The following CACNA1D variants were observed in gnomAD, a reference collection of about 807,000 sequenced individuals.
CACNA1D encodes the protein calcium voltage-gated channel subunit alpha1 D.
CACNA1D carries 55 observed loss-of-function variants against 257.1 expected under a neutral mutation model. The observed-to-expected ratio is 0.21, with a 90% CI of 0.17 to 0.27. The LOEUF (loss-of-function observed/expected upper bound fraction) is 0.27. Ranked by LOEUF, CACNA1D falls within the 10% of genes least tolerant of loss-of-function variation. The probability of loss-of-function intolerance (pLI) is 1.00; values close to 1 mark genes in which losing one functional copy is unlikely to be tolerated. For missense variants in CACNA1D, 1,876 were observed against 2,784.0 expected (o/e 0.67, Z 7.34); for synonymous variants, 980 against 1,014.9 (o/e 0.97, Z 0.65).
At chr3:53,554,371 C>G (rs1350767752) in intron 3 of CACNA1D, among the ~76,000 whole-genome samples, 3 of 152,198 alleles carry the variant, frequency 2.0e-5, no homozygotes, top group Non-Finnish European at 4.4e-5. Context: ...TTTGCTTTTA[C>G]TGCTATGAAC....
intron 44 of CACNA1D, 94 bp from the exon 45 acceptor site, chr3:53,804,889 G>A: frequency 1.7e-6 from 2 of 1,163,682 alleles, no homozygotes; most frequent in Non-Finnish European, 2.6e-6. Flanking sequence ...GTCCAAGGGA[G>A]GAGGCGGGGA....
chr3:53,747,377 T>C lies in CACNA1D; in HGVS notation c.3243T>C (p.Asp1081=). ...VVRERIWQNS[D]FNFDNVLSAM... Reference sequence around the variant, plus strand: ...GTGAACGGATCTGGCAAAACAGTGATTTCAACTTCGACAACGTCCTCTCTG... The same window carrying C: ...GTGAACGGATCTGGCAAAACAGTGACTTCAACTTCGACAACGTCCTCTCTG... Residue 1081 remains aspartate (D), a synonymous_variant, in exon 26 of 48, where the codon GAT becomes GAC. Coordinates refer to ENST00000350061, the MANE Select transcript of CACNA1D (RefSeq NM_001128840.3). 4 of 1,614,148 alleles carry C rather than the reference T, an allele frequency of 2.5e-6. No individual in the cohort carries two copies. Among genetic ancestry groups the C allele is most frequent in the Non-Finnish European group, 2.5e-6 (3 of 1,179,960 alleles).
chr3:53,546,750 A>G (rs1271059734), intron 3 of CACNA1D, among the ~76,000 whole-genome samples: 1 of 152,182 alleles, frequency 6.6e-6, no homozygotes. Context: ...TGCATCATAC[A>G]CAGAGCAAGT....
intron 15 of CACNA1D, 126 bp downstream of exon 15, chr3:53,727,125 T>C (rs1188729660): frequency 2.8e-6 from 3 of 1,059,958 alleles, no homozygotes; most frequent in Non-Finnish European, 1.5e-6. Flanking sequence ...GCCTTTACCT[T>C]ATTAGCTCAA....
At chr3:53,596,583 A>G (rs1019442515) in intron 3 of CACNA1D, among the ~76,000 whole-genome samples, 12 of 152,196 alleles carry the variant, frequency 7.9e-5, no homozygotes, top group African/African-American at 2.9e-4. Flanking sequence ...AATCCTTACA[A>G]GAGGGAGGCA....
chr3:53,800,505 C>T lies in CACNA1D; in HGVS notation c.5040+140C>T, dbSNP rs2095530887. On this transcript the variant is annotated intron_variant, in intron 41 of 47. Coordinates refer to ENST00000350061, the MANE Select transcript of CACNA1D (RefSeq NM_001128840.3). The surrounding 1 kb of genome is among the most constrained non-coding windows in gnomAD (Gnocchi z 4.3). ...GCCTAGAGGGGCTTTCAGACCACAC[C>T]CTCCCCCTCTTACAGACCCTCCCCA... is the stretch of plus-strand genomic sequence containing the variant. 9.3e-6 allele frequency: 7 copies of T among 756,120 alleles called. No individual in the cohort carries two copies. Among genetic ancestry groups the T allele is most frequent in the Non-Finnish European group, 1.7e-5 (7 of 411,920 alleles). The allele number at this position is 756,120 out of a possible 1,614,324, so 46.8% of individuals were successfully genotyped here. A position where few individuals can be genotyped will look rare whatever the true frequency, so the allele number is the denominator to read the frequency against.
At chr3:53,707,260 C>G (rs13082692) in intron 9 of CACNA1D, among the ~76,000 whole-genome samples, 26,037 of 152,094 alleles carry the variant, frequency 0.17, 2,643 homozygotes, top group Non-Finnish European at 0.23. Flanking sequence ...ATACTCCACC[C>G]TCTAAGACTC....
intron 3 of CACNA1D, among the ~76,000 whole-genome samples, chr3:53,637,232 A>C (rs2093894773): frequency 6.6e-6 from 1 of 152,230 alleles, no homozygotes; most frequent in Non-Finnish European, 1.5e-5. Flanking sequence ...AGACTGGCTT[A>C]TGAAGAGGTC....
At position 53,494,866 on chromosome 3, in the gene CACNA1D, C is replaced by A; in HGVS notation, c.-301C>A. Reference sequence around the variant, plus strand: ...GGGACAAGCCAGTTCTCCTTTGCAGCAAAAAATTACATGTATATATTATTA... The same window carrying A: ...GGGACAAGCCAGTTCTCCTTTGCAGAAAAAAATTACATGTATATATTATTA... On this transcript the variant is annotated 5_prime_UTR_variant, in exon 1 of 48. Coordinates refer to ENST00000350061, the MANE Select transcript of CACNA1D (RefSeq NM_001128840.3). 4.2e-6 allele frequency: 1 copy of A among 239,572 alleles called. No individual in the cohort carries two copies. The highest frequency in any genetic ancestry group is 2.2e-5 in the African/African-American group (1 of 44,668). The allele number at this position is 239,572 out of a possible 1,614,324, so 14.8% of individuals were successfully genotyped here.
intron 1 of CACNA1D, among the ~76,000 whole-genome samples, chr3:53,496,416 G>A (rs1575669513): frequency 6.6e-6 from 1 of 152,212 alleles, no homozygotes; most frequent in African/African-American, 2.4e-5. Context: ...CAGGCTGACT[G>A]CCTTGTCTGT....
chr3:53,745,194 C>A (rs958313507), intron 23 of CACNA1D, among the ~76,000 whole-genome samples: 2 of 150,842 alleles, frequency 1.3e-5, no homozygotes, highest in African/African-American at 2.4e-5. Flanking sequence ...GGGGTGGGGA[C>A]CCTTTGGGCC....
At chr3:53,568,327 A>G (rs768235986) in intron 3 of CACNA1D, among the ~76,000 whole-genome samples, 2 of 152,224 alleles carry the variant, frequency 1.3e-5, no homozygotes, top group Non-Finnish European at 2.9e-5. Context: ...TGCTACATTC[A>G]GGACCATTCT....
chr3:53,654,229 A>G (rs1392197876), intron 4 of CACNA1D, among the ~76,000 whole-genome samples: 1 of 152,210 alleles, frequency 6.6e-6, no homozygotes, highest in Non-Finnish European at 1.5e-5. Context: ...AGAGTACCAG[A>G]AAGTGGCTCT....
At chr3:53,542,403 G>A (rs1055182392) in intron 3 of CACNA1D, among the ~76,000 whole-genome samples, 12 of 151,612 alleles carry the variant, frequency 7.9e-5, no homozygotes, top group African/African-American at 2.9e-4. Context: ...AACATATGGA[G>A]ACTTTGTCTC....
chr3:53,811,343 G>T lies in CACNA1D; in HGVS notation c.6423G>T (p.Glu2141Asp), dbSNP rs1381756139. The T allele has an allele frequency of 6.2e-7, 1 of 1,603,776 alleles. No individual in the cohort carries two copies. The highest frequency in any genetic ancestry group is 2.2e-5 in the East Asian group (1 of 44,634). ...TTGGTCCTGGCTACAGCGACGAAGA[G>T]CCAGACCCTGGGAGGGATGAGGAGG... is the stretch of plus-strand genomic sequence containing the variant. ...QDFGPGYSDE[E>D]PDPGRDEEDL... The change falls in exon 48 of 48, where the codon GAG becomes GAT. Residue 2141 changes from glutamate (E) to aspartate (D), a missense_variant. Physicochemically the swap from Glu to Asp is conservative, Grantham distance 45. Coordinates refer to ENST00000350061, the MANE Select transcript of CACNA1D (RefSeq NM_001128840.3). This position sits in a 1 kb window ranked among gnomAD's most constrained non-coding sequence, Gnocchi z 4.2.
At chr3:53,577,259 G>A (rs2093053765) in intron 3 of CACNA1D, among the ~76,000 whole-genome samples, 1 of 152,154 alleles carries the variant, frequency 6.6e-6, no homozygotes, top group East Asian at 1.9e-4. Context: ...GCAAGTGATA[G>A]CCCAATTTCA....
At chr3:53,599,090 A>G (rs532411662) in intron 3 of CACNA1D, among the ~76,000 whole-genome samples, 1 of 152,222 alleles carries the variant, frequency 6.6e-6, no homozygotes, top group South Asian at 2.1e-4. Flanking sequence ...TAGTTTTCCA[A>G]TGAACGGAAT....
At chr3:53,574,294 G>T (rs1043632278) in intron 3 of CACNA1D, among the ~76,000 whole-genome samples, 1 of 152,156 alleles carries the variant, frequency 6.6e-6, no homozygotes, top group African/African-American at 2.4e-5. Flanking sequence ...TCCAGCTCAT[G>T]GGATGGTGTG....
In CACNA1D at chr3:53,697,237, A is replaced by G. The variant is rs9880201; in HGVS notation, c.1221-5404A>G. ...AGATGATATGTCTAGTTTTGGGCAC[A>G]CTCATTTCATGCTTCTGGGCGATCC... On this transcript the variant is annotated intron_variant, in intron 8 of 47. Transcript: ENST00000350061. Among the ~76,000 whole-genome samples, 815 of 152,240 alleles carry G rather than the reference A, an allele frequency of 5.4e-3. 9 individuals are homozygous for G. The highest frequency in any genetic ancestry group is 0.018 in the African/African-American group (766 of 41,522).
Sources: gnomAD v4.1 joint callset for allele counts (sites outside exome capture counted in the v4.1 genomes callset) on GRCh38, gnomAD v4.1.1 for gene constraint, Gnocchi (gnomAD v3.1) non-coding constraint, MANE v1.5 for transcripts, NCBI Gene and HGNC (gene_info 2026-07-23, HGNC 2026-07-21) for gene names.